Variants in KLHL1 observed in about 807,000 individuals in gnomAD.
The protein encoded by KLHL1 is kelch-like protein 1.
Under a neutral mutation model 77.7 loss-of-function variants are expected in KLHL1, and 47 were observed. The ratio of observed to expected loss-of-function variants is 0.60; its 90% confidence interval spans 0.48 to 0.77. The LOEUF is 0.77. KLHL1 is among the 30% of genes least tolerant of loss of function. The probability of loss-of-function intolerance (pLI) is 0.00; values close to 1 mark genes in which losing one functional copy is unlikely to be tolerated. For missense variants in KLHL1, 925 were observed against 910.8 expected (o/e 1.02, Z -0.20); for synonymous variants, 360 against 325.2 (o/e 1.11, Z -1.15).
chr13:69,711,258 A>G (rs1875864634), intron 9 of KLHL1, among the ~76,000 whole-genome samples: 1 of 152,124 alleles, frequency 6.6e-6, no homozygotes, highest in Admixed American at 6.6e-5. Flanking sequence ...TTAAACAATA[A>G]AGAAGTGATT....
At chr13:69,939,340 C>CATACATATATATAT (rs1555283221) in intron 4 of KLHL1, among the ~76,000 whole-genome samples, 21 of 60,840 alleles carry the variant, frequency 3.5e-4, no homozygotes, top group African/African-American at 1.3e-3. Flanking sequence ...CATATACATA[C>CATACATATATATAT]ATATATATAT....
intron 1 of KLHL1, among the ~76,000 whole-genome samples, chr13:70,038,242 G>C (rs1886285847): frequency 6.6e-6 from 1 of 152,168 alleles, no homozygotes; most frequent in African/African-American, 2.4e-5. Flanking sequence ...TCAATAGTTT[G>C]TTCCTTTTTA....
intron 4 of KLHL1, among the ~76,000 whole-genome samples, chr13:69,887,792 C>G (rs759937992): frequency 1.3e-5 from 2 of 152,130 alleles, no homozygotes; most frequent in Non-Finnish European, 2.9e-5. Flanking sequence ...CTCTGCTGCT[C>G]TCTTCTGAAG....
At chr13:69,711,140 T>A (rs1593763084) in intron 9 of KLHL1, among the ~76,000 whole-genome samples, 1 of 152,236 alleles carries the variant, frequency 6.6e-6, no homozygotes, top group East Asian at 1.9e-4. Flanking sequence ...GGCCTTAACA[T>A]TTTTGAGGAA....
intron 7 of KLHL1, among the ~76,000 whole-genome samples, chr13:69,761,567 A>G (rs2137965875): frequency 6.6e-6 from 1 of 152,312 alleles, no homozygotes; most frequent in East Asian, 1.9e-4. Context: ...TTAATTGAAT[A>G]CCAGGAAAAT....
At chr13:70,023,903 G>T (rs531023429) in intron 1 of KLHL1, among the ~76,000 whole-genome samples, 1 of 151,872 alleles carries the variant, frequency 6.6e-6, no homozygotes, top group East Asian at 1.9e-4. Context: ...GTTATAGTAA[G>T]TTTAGTAACT....
At chr13:69,975,132 T>A (rs1884506036) in intron 2 of KLHL1, among the ~76,000 whole-genome samples, 1 of 152,046 alleles carries the variant, frequency 6.6e-6, no homozygotes, top group East Asian at 1.9e-4. Context: ...AATATCAGTA[T>A]GACACAATTT....
At chr13:70,079,525 C>T (rs1357243018) in intron 1 of KLHL1, among the ~76,000 whole-genome samples, 4 of 152,028 alleles carry the variant, frequency 2.6e-5, no homozygotes, top group African/African-American at 7.2e-5. Context: ...AAATAAATAG[C>T]GGTAATGCCT....
intron 6 of KLHL1, among the ~76,000 whole-genome samples, chr13:69,823,525 T>C (rs1878422998): frequency 6.8e-6 from 1 of 147,746 alleles, no homozygotes; most frequent in Admixed American, 6.7e-5. Context: ...TTGGACTAGA[T>C]GTATATACAC....
chr13:69,927,485 T>G (rs566247865), intron 4 of KLHL1, among the ~76,000 whole-genome samples: 2 of 152,176 alleles, frequency 1.3e-5, no homozygotes, highest in African/African-American at 2.4e-5. Flanking sequence ...CCCACAAAAT[T>G]TAAGAAAAGG....
intron 1 of KLHL1, among the ~76,000 whole-genome samples, chr13:70,038,914 C>T (rs1417097659): frequency 2.6e-5 from 4 of 152,016 alleles, no homozygotes; most frequent in Non-Finnish European, 4.4e-5. Flanking sequence ...TTCTAATACA[C>T]GTATCTTCAT....
intron 5 of KLHL1, among the ~76,000 whole-genome samples, chr13:69,843,838 G>A (rs911855726): frequency 2.0e-5 from 3 of 151,442 alleles, no homozygotes; most frequent in African/African-American, 7.3e-5. Flanking sequence ...AAGTTCTAGG[G>A]TACATGTGCA....
intron 5 of KLHL1, among the ~76,000 whole-genome samples, chr13:69,849,452 T>C (rs1323969245): frequency 1.3e-5 from 2 of 151,402 alleles, no homozygotes; most frequent in Non-Finnish European, 3.0e-5. Context: ...GAACAGATCA[T>C]GCTGTATTCT....
chr13:69,784,035 T>C (rs1337044512), intron 7 of KLHL1, among the ~76,000 whole-genome samples: 1 of 152,168 alleles, frequency 6.6e-6, no homozygotes, highest in Non-Finnish European at 1.5e-5. Context: ...AAATTCAACA[T>C]TCTTAAAGAA....
At chr13:70,008,744 T>C (rs1031852170) in intron 1 of KLHL1, among the ~76,000 whole-genome samples, 16 of 152,150 alleles carry the variant, frequency 1.1e-4, no homozygotes, top group African/African-American at 3.4e-4. Context: ...ACTCTATTAA[T>C]TATTTGAATT....
In KLHL1 at chr13:69,801,925, C is replaced by A. The variant is rs567459832; in HGVS notation, c.1415-4963G>T. Among the ~76,000 whole-genome samples the A allele has an allele frequency of 1.4e-4, 22 of 152,208 alleles. No individual in the cohort carries two copies. The South Asian group carries it at 2.9e-3, about 20-fold the overall frequency. The stretch of plus-strand genomic sequence containing the variant: ...CACGAAAGAACATGCAGGTTTATTA[C>A]ATAGGTATACATGCGCCATGGTGGT... On this transcript the variant is annotated intron_variant, in intron 6 of 10. Transcript: ENST00000377844.
chr13:70,031,278 T>C (rs1886095002), intron 1 of KLHL1, among the ~76,000 whole-genome samples: 1 of 152,148 alleles, frequency 6.6e-6, no homozygotes. Context: ...AAACATCACA[T>C]CTCACATTGG....
intron 1 of KLHL1, among the ~76,000 whole-genome samples, chr13:70,095,126 G>A (rs575793813): frequency 6.6e-6 from 1 of 152,264 alleles, no homozygotes; most frequent in Non-Finnish European, 1.5e-5. Flanking sequence ...ACTGGGTATT[G>A]CTTCAGTCAT....
At chr13:70,019,317 G>T (rs532288108) in intron 1 of KLHL1, among the ~76,000 whole-genome samples, 2 of 152,062 alleles carry the variant, frequency 1.3e-5, no homozygotes, top group Non-Finnish European at 2.9e-5. Flanking sequence ...GGAAGAAAAA[G>T]ATACTGAATG....
Sources: allele counts gnomAD v4.1 joint callset (sites outside exome capture counted in the v4.1 genomes callset), GRCh38; gene constraint gnomAD v4.1.1; transcripts MANE v1.5; gene names NCBI Gene and HGNC (gene_info 2026-07-23, HGNC 2026-07-21).